The following STK17A variants were observed in gnomAD, a reference collection of about 807,000 sequenced individuals.
The protein encoded by STK17A is serine/threonine-protein kinase 17A.
In STK17A, 26 loss-of-function variants were observed where a neutral mutation model predicts 43.7. The observed-to-expected ratio is 0.60, with a 90% CI of 0.44 to 0.83. The LOEUF is 0.83. Among genes scored for constraint, STK17A ranks in the 40% least tolerant of loss-of-function variants. The probability of loss-of-function intolerance (pLI) is 0.00; values close to 1 mark genes in which losing one functional copy is unlikely to be tolerated. For synonymous variants in STK17A, 191 were observed against 182.5 expected, an observed-to-expected ratio of 1.05 and a Z score of -0.38; for missense variants, 476 against 511.6, an observed-to-expected ratio of 0.93 and a Z score of 0.67.
At chr7:43,602,826 T>A (rs1277468954) in intron 2 of STK17A, among the ~76,000 whole-genome samples, 1 of 152,212 alleles carries the variant, frequency 6.6e-6, no homozygotes, top group Admixed American at 6.5e-5. Context: ...TTTCTTAAGC[T>A]CCAGCTGCCT....
chr7:43,612,425 G>C (rs1217902377), intron 3 of STK17A, among the ~76,000 whole-genome samples: 1 of 152,236 alleles, frequency 6.6e-6, no homozygotes, highest in Non-Finnish European at 1.5e-5. Flanking sequence ...TCGACAGTGT[G>C]TGCTCATAAT....
chr7:43,621,986 A>C (rs2083942206), intron 4 of STK17A, among the ~76,000 whole-genome samples: 1 of 152,234 alleles, frequency 6.6e-6, no homozygotes, highest in Admixed American at 6.5e-5. Context: ...AAATCTCTTT[A>C]TACCTCAGAT....
chr7:43,585,895 G>A (rs926520742), intron 1 of STK17A, among the ~76,000 whole-genome samples: 18 of 151,568 alleles, frequency 1.2e-4, no homozygotes, highest in African/African-American at 3.6e-4. Flanking sequence ...ATGCCTCTAT[G>A]TCTGGCAAAA....
intron 3 of STK17A, among the ~76,000 whole-genome samples, chr7:43,612,075 C>T (rs2082928538): frequency 1.3e-5 from 2 of 152,174 alleles, no homozygotes; most frequent in South Asian, 4.1e-4. Flanking sequence ...CAGTATCAAT[C>T]ATATTCCTTT....
chr7:43,598,056 G>A (rs984696712), intron 2 of STK17A, among the ~76,000 whole-genome samples: 2 of 151,880 alleles, frequency 1.3e-5, no homozygotes, highest in East Asian at 1.9e-4. Flanking sequence ...CATTTCATAG[G>A]CCACTTTATT....
chr7:43,624,876 CATTGAAAATGTTAATATTATTT>C lies in STK17A; in HGVS notation c.*37_*58del. 1 of 1,532,070 alleles carries C rather than the reference CATTGAAAATGTTAATATTATTT, an allele frequency of 6.5e-7. No homozygotes were observed. The highest frequency in any genetic ancestry group is 8.8e-7 in the Non-Finnish European group (1 of 1,136,538). The allele number at this position is 1,532,070 out of a possible 1,614,324, so 94.9% of individuals were successfully genotyped here. On this transcript the variant is annotated 3_prime_UTR_variant, in exon 7 of 7. Coordinates refer to ENST00000319357, the MANE Select transcript of STK17A (RefSeq NM_004760.3). The stretch of plus-strand genomic sequence containing the variant: ...TCCCTTTAGAACTTCAAGATTTCTA[CATTGAAAATGTTAATATTATTT>C]ATGGACCTCTGGCCAAATGGTACAT...
chr7:43,596,615 C>T, intron 2 of STK17A, among the ~76,000 whole-genome samples: 1 of 152,134 alleles, frequency 6.6e-6, no homozygotes. Flanking sequence ...GCCTGTAATC[C>T]CGGCACTTTG....
intron 1 of STK17A, among the ~76,000 whole-genome samples, chr7:43,585,839 T>C (rs896883364): frequency 2.0e-5 from 3 of 151,598 alleles, no homozygotes; most frequent in Non-Finnish European, 4.4e-5. Context: ...ATAAATGTTA[T>C]TATTTTAAAT....
At position 43,592,063 on chromosome 7, in the gene STK17A, T is replaced by C. The variant is rs558223477; in HGVS notation, c.207-3838T>C. On this transcript the variant is annotated intron_variant, in intron 1 of 6. Coordinates refer to ENST00000319357, the MANE Select transcript of STK17A (RefSeq NM_004760.3). ...GAACATGTTTGCTGCCAATTATATG[T>C]TGAGACTTCATTTCAGACGAATTTT... 7.3e-5 allele frequency among the ~76,000 whole-genome samples: 11 copies of C among 151,628 alleles called. 1 individual carries two copies. The highest frequency in any genetic ancestry group is 1.5e-4 in the Non-Finnish European group (10 of 67,676).
rs1030971063 is a variant in STK17A at position 43,585,776 on chromosome 7, C to T, written c.206+2327C>T. Among the ~76,000 whole-genome samples, 3 of 151,572 alleles carry T rather than the reference C, an allele frequency of 2.0e-5. No individual in the cohort carries two copies. The South Asian group carries it at 6.2e-4, about 31-fold the overall frequency. On this transcript the variant is annotated intron_variant, in intron 1 of 6. Coordinates refer to ENST00000319357, the MANE Select transcript of STK17A (RefSeq NM_004760.3). ...TTAAGTAAAACACATAGCCTTAAGGCTGTGCTTAGCTTAGGGGAAGCACTC... is the reference window on the plus strand; with the variant it reads ...TTAAGTAAAACACATAGCCTTAAGGTTGTGCTTAGCTTAGGGGAAGCACTC...
intron 1 of STK17A, among the ~76,000 whole-genome samples, chr7:43,587,142 T>TC (rs2082447350): frequency 1.4e-5 from 2 of 140,822 alleles, no homozygotes; most frequent in Middle Eastern, 3.4e-3. Flanking sequence ...TGATATGTTT[T>TC]TATTGTTTTT....
chr7:43,624,186 A>G (rs2084237856), intron 6 of STK17A, among the ~76,000 whole-genome samples: 1 of 152,248 alleles, frequency 6.6e-6, no homozygotes, highest in Non-Finnish European at 1.5e-5. Context: ...GTGTCATGGC[A>G]GTAAATAGCA....
In STK17A at chr7:43,625,118, G is replaced by A. The variant is rs1032495258; in HGVS notation, c.*276G>A. 1 of 283,504 alleles carries A rather than the reference G, an allele frequency of 3.5e-6. No individual in the cohort carries two copies. The highest frequency in any genetic ancestry group is 2.2e-5 in the African/African-American group (1 of 45,460). 17.6% of individuals were successfully genotyped at this position (283,504 alleles called of 1,614,324 possible). ...TCTACATCCTGTTTCTCCAGAATGAGAATTTGTGTACAAAGATATTTGTAT... is the reference window on the plus strand; with the variant it reads ...TCTACATCCTGTTTCTCCAGAATGAAAATTTGTGTACAAAGATATTTGTAT... On this transcript the variant is annotated 3_prime_UTR_variant, in exon 7 of 7. Coordinates refer to ENST00000319357, the MANE Select transcript of STK17A (RefSeq NM_004760.3).
At chr7:43,600,454 A>G (rs1221931810) in intron 2 of STK17A, among the ~76,000 whole-genome samples, 4 of 152,200 alleles carry the variant, frequency 2.6e-5, no homozygotes, top group Admixed American at 1.3e-4. Context: ...TGTGTCTTTC[A>G]GTATTATGAT....
rs145372994 is a variant in STK17A, at chr7:43,608,260, G to A, written c.424G>A (p.Ala142Thr). 11 of 1,611,898 alleles carry A rather than the reference G, an allele frequency of 6.8e-6. No individual in the cohort carries two copies. The African/African-American group carries it at 1.3e-4, about 20-fold the overall frequency. The change falls in exon 3 of 7, where the codon GCT becomes ACT. Residue 142 changes from alanine to threonine, a missense_variant. Physicochemically the swap from Ala to Thr is moderately conservative, Grantham distance 58 (BLOSUM62 0). Around this residue, in one of 3 missense-constraint regions of STK17A, gnomAD observed 320 missense variants for 326.3 expected, o/e 0.98. Coordinates refer to ENST00000319357, the MANE Select transcript of STK17A (RefSeq NM_004760.3). Reference sequence around the variant, plus strand: ...TTTAATTTTGCCCTTCTCTAGTGCTGCTGGGGGTGAAATCTTTGACCAGTG... The same window carrying A: ...TTTAATTTTGCCCTTCTCTAGTGCTACTGGGGGTGAAATCTTTGACCAGTG... ...SEMILVLEYA[A>T]GGEIFDQCVA...
At chr7:43,615,326 C>T (rs184434471) in intron 3 of STK17A, among the ~76,000 whole-genome samples, 138 of 152,264 alleles carry the variant, frequency 9.1e-4, no homozygotes, top group African/African-American at 3.2e-3. Flanking sequence ...CAGGTGTACA[C>T]CACCATGCCT....
At chr7:43,608,156 C>A (rs2082628484) in intron 2 of STK17A, 100 bp from the exon 3 acceptor site, 2 of 1,157,034 alleles carry the variant, frequency 1.7e-6, no homozygotes, top group Admixed American at 2.5e-5. Context: ...AAAAGGTATA[C>A]AGTTACTGCC....
intron 3 of STK17A, among the ~76,000 whole-genome samples, chr7:43,616,627 G>A (rs2152996390): frequency 1.3e-5 from 2 of 152,316 alleles, no homozygotes; most frequent in South Asian, 4.1e-4. Context: ...GCCGGGCGCG[G>A]TGGCTCACGC....
intron 1 of STK17A, 125 bp downstream of exon 1, chr7:43,583,574 TGTG>T (rs2082417233): frequency 1.1e-6 from 1 of 887,858 alleles, no homozygotes; most frequent in Non-Finnish European, 1.5e-6. Flanking sequence ...TAACGCGCGT[TGTG>T]ACTTGGCACA....
Sources: allele counts gnomAD v4.1 joint callset (sites outside exome capture counted in the v4.1 genomes callset), GRCh38; gene constraint gnomAD v4.1.1; regional missense constraint gnomAD v4.1.1; transcripts MANE v1.5; gene names NCBI Gene and HGNC (gene_info 2026-07-23, HGNC 2026-07-21).